Variants in IQCH observed in about 807,000 individuals in gnomAD.
The protein encoded by IQCH is IQ motif containing H.
Under a neutral mutation model 117.0 loss-of-function variants are expected in IQCH, and 98 were observed. That is an observed-to-expected ratio of 0.84 (90% CI 0.71 to 0.99). The LOEUF (loss-of-function observed/expected upper bound fraction) is 0.99. IQCH is among the 50% of genes least tolerant of loss of function. The probability of loss-of-function intolerance (pLI) is 0.00; values close to 1 mark genes in which losing one functional copy is unlikely to be tolerated. For missense variants in IQCH, 1,102 were observed against 1,243.8 expected (o/e 0.89, Z 1.72); for synonymous variants, 412 against 448.2 (o/e 0.92, Z 1.02).
At chr15:67,310,194 T>C (rs1298304990) in intron 4 of IQCH, among the ~76,000 whole-genome samples, 1 of 152,088 alleles carries the variant, frequency 6.6e-6, no homozygotes, top group African/African-American at 2.4e-5. Flanking sequence ...ATGATAAATA[T>C]TTAAGCATTT....
chr15:67,369,049 C>T lies in IQCH; in HGVS notation c.754-3062C>T, dbSNP rs1970430514. Among the ~76,000 whole-genome samples the T allele has an allele frequency of 6.6e-6, 1 of 152,104 alleles. No homozygotes were observed. The highest frequency in any genetic ancestry group is 1.5e-5 in the Non-Finnish European group (1 of 68,024). ...TACAGCTGCACACCACCACACCCAG[C>T]TAGTATTTCTAAATTTTAGAATGCA... On this transcript the variant is annotated intron_variant, in intron 8 of 20. Transcript: ENST00000335894. This position sits in a 1 kb window ranked among gnomAD's most constrained non-coding sequence, Gnocchi z 5.2.
rs1377381013 is a variant in IQCH at position 67,403,327 on chromosome 15, T to C, written c.2097+3022T>C. ...TTATCTGGCTGGTTATAGTTGAGAATTAAAATAGTCCTGAAGTCAGCAGAT... is the reference window on the plus strand; with the variant it reads ...TTATCTGGCTGGTTATAGTTGAGAACTAAAATAGTCCTGAAGTCAGCAGAT... On this transcript the variant is annotated intron_variant, in intron 14 of 20. Coordinates refer to ENST00000335894, the MANE Select transcript of IQCH (RefSeq NM_001031715.3). The surrounding 1 kb of genome is among the most constrained non-coding windows in gnomAD (Gnocchi z 4.8). Among the ~76,000 whole-genome samples, 1 of 151,980 alleles carries C rather than the reference T, an allele frequency of 6.6e-6. No homozygotes were observed. The highest frequency in any genetic ancestry group is 2.4e-5 in the African/African-American group (1 of 41,368).
At chr15:67,328,017 G>A (rs1294692984) in intron 4 of IQCH, among the ~76,000 whole-genome samples, 1 of 152,086 alleles carries the variant, frequency 6.6e-6, no homozygotes, top group Non-Finnish European at 1.5e-5. Flanking sequence ...GTACTTCCAG[G>A]CCAGAAATTA....
In IQCH at chr15:67,481,079, C is replaced by A. The variant is rs906652966; in HGVS notation, c.2799+5261C>A. On this transcript the variant is annotated intron_variant, in intron 18 of 20. Transcript: ENST00000335894. The surrounding 1 kb of genome is among the most constrained non-coding windows in gnomAD (Gnocchi z 4.1). Reference sequence around the variant, plus strand: ...TACACAACCAAAGCCAATTAAAACTCAGCCTTGCAATATGAGTCAAATTAA... The same window carrying A: ...TACACAACCAAAGCCAATTAAAACTAAGCCTTGCAATATGAGTCAAATTAA... Among the ~76,000 whole-genome samples the A allele has an allele frequency of 7.2e-5, 11 of 152,246 alleles. No individual in the cohort carries two copies. In the East Asian group the frequency reaches 2.1e-3, roughly 29 times the overall value.
chr15:67,488,096 T>G (rs1442656518), intron 18 of IQCH, among the ~76,000 whole-genome samples: 2 of 152,152 alleles, frequency 1.3e-5, no homozygotes, highest in Admixed American at 6.6e-5. Flanking sequence ...GAGGATCACT[T>G]GAGCCCAGCA....
Position 67,285,417 on chromosome 15 carries a change from C to A in IQCH, c.387+5905C>A, listed in dbSNP as rs1227609365. On this transcript the variant is annotated intron_variant, in intron 4 of 20. Transcript: ENST00000335894. ...TGTCTGTTTATTTTGTTGATAGTTT[C>A]TTTTGCTGTTCTGGAGCTCTTTAGT... Among the ~76,000 whole-genome samples the A allele has an allele frequency of 2.0e-5, 3 of 151,778 alleles. No individual in the cohort carries two copies. In the East Asian group the frequency reaches 5.8e-4, roughly 29 times the overall value.
intron 19 of IQCH, among the ~76,000 whole-genome samples, chr15:67,492,382 T>C (rs1279872143): frequency 6.6e-6 from 1 of 152,046 alleles, no homozygotes; most frequent in Non-Finnish European, 1.5e-5. Context: ...ACAAACCCTT[T>C]TGTACATAGG....
intron 16 of IQCH, among the ~76,000 whole-genome samples, chr15:67,461,447 T>C (rs1262907396): frequency 1.3e-5 from 2 of 152,186 alleles, no homozygotes; most frequent in Non-Finnish European, 2.9e-5. Context: ...AGACAAAGAC[T>C]TGGCAGCATC....
intron 13 of IQCH, among the ~76,000 whole-genome samples, chr15:67,396,228 C>T (rs1167120305): frequency 6.6e-6 from 1 of 152,102 alleles, no homozygotes; most frequent in African/African-American, 2.4e-5. Context: ...TGGAAAACTC[C>T]AGTGAGTGAG....
rs1383424516 is a variant in IQCH at position 67,381,865 on chromosome 15, C to T, written c.1373-3071C>T. Among the ~76,000 whole-genome samples the T allele has an allele frequency of 6.6e-6, 1 of 151,852 alleles. No homozygotes were observed. The highest frequency in any genetic ancestry group is 1.9e-4 in the East Asian group (1 of 5,160). ...GTGTGGTAGTGTGCACCAGTAGTCTCACCTAATTGAGAGGCTGAGGTGGGA... is the reference window on the plus strand; with the variant it reads ...GTGTGGTAGTGTGCACCAGTAGTCTTACCTAATTGAGAGGCTGAGGTGGGA... On this transcript the variant is annotated intron_variant, in intron 10 of 20. Coordinates refer to ENST00000335894, the MANE Select transcript of IQCH (RefSeq NM_001031715.3). The surrounding 1 kb of genome is among the most constrained non-coding windows in gnomAD (Gnocchi z 5.1).
chr15:67,495,441 G>A (rs1449101441), intron 20 of IQCH, among the ~76,000 whole-genome samples: 4 of 152,180 alleles, frequency 2.6e-5, no homozygotes, highest in Non-Finnish European at 5.9e-5. Flanking sequence ...GAGCTCAAGG[G>A]ATCTTGTCTT....
chr15:67,259,046 C>A (rs2140425978), intron 1 of IQCH, among the ~76,000 whole-genome samples: 1 of 152,274 alleles, frequency 6.6e-6, no homozygotes, highest in South Asian at 2.1e-4. Context: ...TACGTAAATT[C>A]AATTAACATT....
At position 67,472,460 on chromosome 15, in the gene IQCH, C is replaced by T. The variant is rs942956774; in HGVS notation, c.2677-3236C>T. On this transcript the variant is annotated intron_variant, in intron 17 of 20. Transcript: ENST00000335894. This position sits in a 1 kb window ranked among gnomAD's most constrained non-coding sequence, Gnocchi z 4.3. ...CTGTGTTAGGGGGAAATGATTAATC[C>T]GGTGATACTGTTCAGAATCCCAGGA... Among the ~76,000 whole-genome samples, 3 of 152,086 alleles carry T rather than the reference C, an allele frequency of 2.0e-5. No individual in the cohort carries two copies. Among genetic ancestry groups the T allele is most frequent in the Admixed American group, 1.3e-4 (2 of 15,266 alleles).
At chr15:67,489,929 G>T in intron 18 of IQCH, 74 bp from the exon 19 acceptor site, 1 of 1,015,182 alleles carries the variant, frequency 9.9e-7, no homozygotes, top group Non-Finnish European at 1.6e-6. Flanking sequence ...TAGTCTTTCT[G>T]TGCCAGTAAC....
rs1342529545 is a variant in IQCH at position 67,393,850 on chromosome 15, A to G, written c.1633-1441A>G. On this transcript the variant is annotated intron_variant, in intron 12 of 20. Coordinates refer to ENST00000335894, the MANE Select transcript of IQCH (RefSeq NM_001031715.3). This position sits in a 1 kb window ranked among gnomAD's most constrained non-coding sequence, Gnocchi z 5.5. ...TTTTTAAGAGGGTTTTCTCTGTAATAATAACTATTACCATTTGTTGAGTAT... is the reference window on the plus strand; with the variant it reads ...TTTTTAAGAGGGTTTTCTCTGTAATGATAACTATTACCATTTGTTGAGTAT... Among the ~76,000 whole-genome samples, 1 of 152,144 alleles carries G rather than the reference A, an allele frequency of 6.6e-6. No homozygotes were observed. The highest frequency in any genetic ancestry group is 1.5e-5 in the Non-Finnish European group (1 of 68,020).
chr15:67,485,389 G>A (rs2083447089), intron 18 of IQCH, among the ~76,000 whole-genome samples: 2 of 152,156 alleles, frequency 1.3e-5, no homozygotes, highest in African/African-American at 4.8e-5. Flanking sequence ...GGGAGAAAAT[G>A]ATGAAAATGT....
Position 67,490,160 on chromosome 15 carries a change from G to A in IQCH, c.2861+96G>A. 1 of 839,070 alleles carries A rather than the reference G, an allele frequency of 1.2e-6. No individual in the cohort carries two copies. Among genetic ancestry groups the A allele is most frequent in the East Asian group, 2.4e-5 (1 of 40,906 alleles). 52.0% of individuals were successfully genotyped at this position (839,070 alleles called of 1,614,324 possible). ...GCTTCTCATGCATTTTAATCAGCAT[G>A]CTGATTTATTAGAAGTCTATCTTTA... On this transcript the variant is annotated intron_variant, in intron 19 of 20. Coordinates refer to ENST00000335894, the MANE Select transcript of IQCH (RefSeq NM_001031715.3). The surrounding 1 kb of genome is among the most constrained non-coding windows in gnomAD (Gnocchi z 4.9).
rs1428978589 is a variant in IQCH at position 67,364,645 on chromosome 15, T to C, written c.753+4760T>C. 6.6e-6 allele frequency among the ~76,000 whole-genome samples: 1 copy of C among 152,210 alleles called. No homozygotes were observed. Among genetic ancestry groups the C allele is most frequent in the Non-Finnish European group, 1.5e-5 (1 of 68,032 alleles). ...TGATCAATTGTGACCTGATCATTCA[T>C]AGAAAATTTGGAAAATTCAGAAAAG... On this transcript the variant is annotated intron_variant, in intron 8 of 20. Transcript: ENST00000335894. This position sits in a 1 kb window ranked among gnomAD's most constrained non-coding sequence, Gnocchi z 4.1.
chr15:67,356,806 C>T lies in IQCH; in HGVS notation c.638-539C>T, dbSNP rs1969904648. ...GCATGTGGGCCCATTCTTCCTCGAC[C>T]ATGGGCTAGGTGTGTTCTCTAAAAG... On this transcript the variant is annotated intron_variant, in intron 6 of 20. Coordinates refer to ENST00000335894, the MANE Select transcript of IQCH (RefSeq NM_001031715.3). This position sits in a 1 kb window ranked among gnomAD's most constrained non-coding sequence, Gnocchi z 5.3. 1.3e-5 allele frequency among the ~76,000 whole-genome samples: 2 copies of T among 152,152 alleles called. No homozygotes were observed. Among genetic ancestry groups the T allele is most frequent in the Admixed American group, 1.3e-4 (2 of 15,276 alleles).
Sources: gnomAD v4.1 joint callset for allele counts (sites outside exome capture counted in the v4.1 genomes callset) on GRCh38, gnomAD v4.1.1 for gene constraint, Gnocchi (gnomAD v3.1) non-coding constraint, MANE v1.5 for transcripts, NCBI Gene and HGNC (gene_info 2026-07-23, HGNC 2026-07-21) for gene names.